CZIB: variants seen among roughly 807,000 people sequenced by gnomAD.
CZIB encodes CXXC motif containing zinc binding protein, also known as UPF0587 protein C1orf123.
CZIB carries 26 observed loss-of-function variants against 28.3 expected under a neutral mutation model. That is an observed-to-expected ratio of 0.92 (90% CI 0.67 to 1.27). The LOEUF is 1.27. Among genes scored for constraint, CZIB ranks in the 50% most tolerant of loss-of-function variants. The probability of loss-of-function intolerance (pLI) is 0.00; values close to 1 mark genes in which losing one functional copy is unlikely to be tolerated. For synonymous variants in CZIB, 78 were observed against 71.1 expected (o/e 1.10, Z -0.49); for missense variants, 179 against 197.3 (o/e 0.91, Z 0.56).
intron 2 of CZIB, chr1:53,219,853 C>T (rs1396741291): frequency 1.1e-5 from 2 of 182,044 alleles, no homozygotes; most frequent in African/African-American, 4.8e-5. Context: ...TAGACCATGC[C>T]ACTAGGGTAC....
chr1:53,215,214 C>T (rs1254340504), intron 7 of CZIB, among the ~76,000 whole-genome samples: 2 of 152,156 alleles, frequency 1.3e-5, no homozygotes, highest in African/African-American at 4.8e-5. Context: ...GTGGCAGGCG[C>T]CTGTAATCCC....
At chr1:53,215,523 C>CT (rs961866554) in intron 7 of CZIB, among the ~76,000 whole-genome samples, 11 of 152,142 alleles carry the variant, frequency 7.2e-5, no homozygotes, top group African/African-American at 2.7e-4. Context: ...GTAATACAGA[C>CT]TATTTCTTGT....
intron 5 of CZIB, 61 bp downstream of exon 5, chr1:53,218,111 A>T: frequency 6.4e-7 from 1 of 1,561,376 alleles, no homozygotes; most frequent in Non-Finnish European, 8.8e-7. Context: ...TAGAACCCAG[A>T]CCTACTAACT....
At chr1:53,219,760 T>C (rs549018735) in intron 2 of CZIB, 1 of 153,756 alleles carries the variant, frequency 6.5e-6, no homozygotes, top group Admixed American at 6.5e-5. Context: ...GCTGGGATTT[T>C]TGACCAGGAG....
At chr1:53,217,344 C>A (rs756700490) in intron 5 of CZIB, 30 of 156,244 alleles carry the variant, frequency 1.9e-4, no homozygotes, top group Non-Finnish European at 2.1e-4. Flanking sequence ...TTTTGCTGAC[C>A]ATCTGCCATG....
At chr1:53,218,737 A>C in intron 3 of CZIB, 130 bp downstream of exon 3, 2 of 957,786 alleles carry the variant, frequency 2.1e-6, no homozygotes, top group South Asian at 2.9e-5. Context: ...ACTGACACCT[A>C]CCCTCCCAAA....
chr1:53,216,148 C>T, intron 6 of CZIB, 92 bp from the exon 7 acceptor site: 1 of 1,199,520 alleles, frequency 8.3e-7, no homozygotes, highest in Non-Finnish European at 1.2e-6. Context: ...TCTTCTCACA[C>T]TTCTGGGATG....
In CZIB at chr1:53,218,506, GC is replaced by G; in HGVS notation, c.148-12del. 1 of 1,613,762 alleles carries G rather than the reference GC, an allele frequency of 6.2e-7. No homozygotes were observed. Reference sequence around the variant, plus strand: ...CAGTGCCACACTGTCCTGGCAAAAAGCAAACAGAACTTTCAGTCACATATGA... The same window carrying G: ...CAGTGCCACACTGTCCTGGCAAAAAGAAACAGAACTTTCAGTCACATATGA... On this transcript the variant is annotated splice_polypyrimidine_tract_variant and intron_variant, in intron 3 of 7. Transcript: ENST00000294360.
In CZIB at chr1:53,214,756, T is replaced by C. The variant is rs1429042841; in HGVS notation, c.406-20A>G. ...CCAGTCCTGGGAAACAAAATGGCATTGTTAGCCTCACAACGCAGAATGCAG... is the reference window on the plus strand; with the variant it reads ...CCAGTCCTGGGAAACAAAATGGCATCGTTAGCCTCACAACGCAGAATGCAG... On this transcript the variant is annotated intron_variant, in intron 7 of 7. Transcript: ENST00000294360. The C allele has an allele frequency of 5.6e-6, 9 of 1,609,606 alleles. No individual in the cohort carries two copies. The highest frequency in any genetic ancestry group is 7.6e-6 in the Non-Finnish European group (9 of 1,176,698).
In CZIB at chr1:53,214,281, T is replaced by A. The variant is rs1466321633; in HGVS notation, c.*378A>T. ...CAAGTTCAGTAAGTTCAGGTAACAG[T>A]ACGTCACCATTGGCTTCTGGCTCAT... On this transcript the variant is annotated 3_prime_UTR_variant, in exon 8 of 8. Transcript: ENST00000294360. 1.5e-5 allele frequency: 3 copies of A among 200,940 alleles called. No individual in the cohort carries two copies. Among genetic ancestry groups the A allele is most frequent in the African/African-American group, 6.9e-5 (3 of 43,478 alleles). The allele number at this position is 200,940 out of a possible 1,614,324, so 12.4% of individuals were successfully genotyped here. A position where few individuals can be genotyped will look rare whatever the true frequency, so the allele number is the denominator to read the frequency against.
rs145021398 is a variant in CZIB at position 53,218,418 on chromosome 1, G to A, written c.225C>T (p.Ser75=). 1 of 1,614,178 alleles carries A rather than the reference G, an allele frequency of 6.2e-7. No individual in the cohort carries two copies. The highest frequency in any genetic ancestry group is 2.2e-5 in the East Asian group (1 of 44,888). ...QKCKLCAREN[S]IEILSSTIKP... is the part of the protein sequence containing the mutation. Reference sequence around the variant, plus strand: ...AGTACGCACAGCCTGACCTACCGATGGAATTTTCTCTTGCACACAGCTTGC... The same window carrying A: ...AGTACGCACAGCCTGACCTACCGATAGAATTTTCTCTTGCACACAGCTTGC... Residue 75 remains serine, a synonymous_variant, in exon 4 of 8, where the codon TCC becomes TCT. Transcript: ENST00000294360.
At position 53,220,356 on chromosome 1, in the gene CZIB, G is replaced by A. The variant is rs1645514309; in HGVS notation, c.7-12C>T. ...TGCAGCGCGATTTTCTGAGGGGGAG[G>A]GCCAGAGCGACTGCGTCAGCCGTGC... On this transcript the variant is annotated splice_polypyrimidine_tract_variant and intron_variant, in intron 1 of 7. Coordinates refer to ENST00000294360, the MANE Select transcript of CZIB (RefSeq NM_017887.3). 5 of 1,610,986 alleles carry A rather than the reference G, an allele frequency of 3.1e-6. No individual in the cohort carries two copies. In the South Asian group the frequency reaches 5.5e-5, roughly 18 times the overall value.
At chr1:53,219,156 G>C in intron 2 of CZIB, 3 of 537,350 alleles carry the variant, frequency 5.6e-6, no homozygotes, top group Non-Finnish European at 9.9e-6. Flanking sequence ...AGTGCTCAGT[G>C]TGGCCGGGGA....
chr1:53,215,801 C>T (rs1055904154), intron 7 of CZIB, among the ~76,000 whole-genome samples, 190 bp downstream of exon 7: 1 of 152,208 alleles, frequency 6.6e-6, no homozygotes, highest in African/African-American at 2.4e-5. Context: ...TAAGGGGCAT[C>T]ATAGCTTTCT....
Position 53,214,713 on chromosome 1 carries a change from C to G in CZIB, c.429G>C (p.Lys143Asn). ...QEKDWTDYDE[K>N]AQESVGIYEV... ...CATAGATTCCCACAGACTCCTGGGC[C>G]TTTTCATCATAGTCAGTCCAGTCCT... is the stretch of plus-strand genomic sequence containing the variant. The change falls in exon 8 of 8, where the codon AAG becomes AAC. Residue 143 changes from lysine (K) to asparagine (N), a missense_variant. Physicochemically the swap from Lys to Asn is moderately conservative, Grantham distance 94. Transcript: ENST00000294360. 1 of 1,614,076 alleles carries G rather than the reference C, an allele frequency of 6.2e-7. No individual in the cohort carries two copies. Among genetic ancestry groups the G allele is most frequent in the African/African-American group, 1.3e-5 (1 of 75,050 alleles).
chr1:53,220,580 G>A lies in CZIB; in HGVS notation c.-5C>T, dbSNP rs573225184. ...GCGGCCTCCCCTCACCCCCATGGTA[G>A]CCCTCTCCGCCCGGTGCTGGCTGCG... On this transcript the variant is annotated 5_prime_UTR_variant, in exon 1 of 8. Transcript: ENST00000294360. 1 of 1,597,902 alleles carries A rather than the reference G, an allele frequency of 6.3e-7. No individual in the cohort carries two copies. The highest frequency in any genetic ancestry group is 1.7e-5 in the Admixed American group (1 of 59,882).
intron 3 of CZIB, 63 bp from the exon 4 acceptor site, chr1:53,218,558 C>T (rs1311099381): frequency 7.3e-6 from 11 of 1,505,536 alleles, no homozygotes; most frequent in Non-Finnish European, 9.2e-6. Flanking sequence ...CTGAGGAGAT[C>T]GAGCCCACCA....
Position 53,214,633 on chromosome 1 carries a change from T to TAA in CZIB, c.*24_*25dup, listed in dbSNP as rs1557720685. ...GAGTACTTTGTCCTTTCTCAGTTCT[T>TAA]AAGGGCAACTGGGAAGGAAGAGGGA... On this transcript the variant is annotated 3_prime_UTR_variant, in exon 8 of 8. Coordinates refer to ENST00000294360, the MANE Select transcript of CZIB (RefSeq NM_017887.3). The TAA allele has an allele frequency of 1.2e-6, 2 of 1,606,292 alleles. No homozygotes were observed. Among genetic ancestry groups the TAA allele is most frequent in the Admixed American group, 3.3e-5 (2 of 59,974 alleles).
At chr1:53,218,589 A>C in intron 3 of CZIB, 94 bp from the exon 4 acceptor site, 1 of 1,275,106 alleles carries the variant, frequency 7.8e-7, no homozygotes, top group Non-Finnish European at 1.1e-6. Context: ...ACTTAAAGAG[A>C]CCAAGACCCA....
Sources: allele counts gnomAD v4.1 joint callset (sites outside exome capture counted in the v4.1 genomes callset), GRCh38; gene constraint gnomAD v4.1.1; transcripts MANE v1.5; gene names NCBI Gene and HGNC (gene_info 2026-07-23, HGNC 2026-07-21).